Variants in LIPI observed in about 807,000 individuals in gnomAD.
LIPI encodes lipase I, also known as lipase member I.
Under a neutral mutation model 50.6 loss-of-function variants are expected in LIPI, and 59 were observed. The ratio of observed to expected loss-of-function variants is 1.16; its 90% CI spans 0.94 to 1.45. The LOEUF (loss-of-function observed/expected upper bound fraction) is 1.45, where lower values mean the gene tolerates loss of function less well. LIPI is among the 40% of genes most tolerant of loss of function. The pLI, the probability that LIPI is intolerant of heterozygous loss-of-function variation, is 0.00. For synonymous variants in LIPI, 203 were observed against 178.2 expected (o/e 1.14, Z -1.11); for missense variants, 586 against 536.3 (o/e 1.09, Z -0.92).
At chr21:14,193,369 C>T (rs1194302899) in intron 1 of LIPI, among the ~76,000 whole-genome samples, 2 of 152,008 alleles carry the variant, frequency 1.3e-5, no homozygotes, top group Non-Finnish European at 2.9e-5. Context: ...AAACTAATAA[C>T]AAAGTGGTAA....
intron 1 of LIPI, among the ~76,000 whole-genome samples, chr21:14,197,896 G>A (rs1372116002): frequency 6.6e-6 from 1 of 151,970 alleles, no homozygotes; most frequent in African/African-American, 2.4e-5. Flanking sequence ...CTACAAAGGG[G>A]AGCCATCAGA....
At chr21:14,166,768 C>G (rs546853713) in intron 4 of LIPI, among the ~76,000 whole-genome samples, 2 of 152,304 alleles carry the variant, frequency 1.3e-5, no homozygotes, top group East Asian at 3.9e-4. Flanking sequence ...GTCTTCAGCT[C>G]CCAGTGTGAG....
At chr21:14,206,403 A>C (rs539641876) in intron 1 of LIPI, among the ~76,000 whole-genome samples, 1 of 152,268 alleles carries the variant, frequency 6.6e-6, no homozygotes, top group East Asian at 1.9e-4. Context: ...TGCTGAGATA[A>C]GTTTGTCTTG....
At chr21:14,133,958 C>T (rs2017393715) in intron 9 of LIPI, among the ~76,000 whole-genome samples, 1 of 152,088 alleles carries the variant, frequency 6.6e-6, no homozygotes, top group Non-Finnish European at 1.5e-5. Context: ...CAGTGGCTTG[C>T]CACTGTGGGA....
intron 1 of LIPI, 53 bp downstream of exon 1, chr21:14,210,747 C>T (rs780004914): frequency 6.9e-6 from 5 of 723,024 alleles, no homozygotes; most frequent in South Asian, 2.0e-5. Flanking sequence ...ACAGACCACA[C>T]TATTTTATAT....
chr21:14,113,910 GGGCTCAGT>G (rs1397134872), intron 9 of LIPI, among the ~76,000 whole-genome samples: 3 of 152,154 alleles, frequency 2.0e-5, no homozygotes, highest in Non-Finnish European at 4.4e-5. Context: ...GATCTTGGCC[GGGCTCAGT>G]GGCTCACACC....
At chr21:14,110,772 C>A (rs2016374249) in intron 9 of LIPI, among the ~76,000 whole-genome samples, 1 of 151,588 alleles carries the variant, frequency 6.6e-6, no homozygotes, top group African/African-American at 2.4e-5. Context: ...AACATAATGT[C>A]CTTCAGGTTC....
At chr21:14,179,034 C>T (rs192167630) in intron 4 of LIPI, among the ~76,000 whole-genome samples, 1 of 152,214 alleles carries the variant, frequency 6.6e-6, no homozygotes, top group Admixed American at 6.6e-5. Flanking sequence ...CTATAATGTC[C>T]TTTGGAGTTC....
At chr21:14,168,001 C>A (rs9647108) in intron 4 of LIPI, among the ~76,000 whole-genome samples, 130,984 of 152,194 alleles carry the variant, frequency 0.86, 56,798 homozygotes, top group East Asian at 0.97. Flanking sequence ...TAGAATAAGC[C>A]ATACAGGGAA....
At position 14,110,111 on chromosome 21, in the gene LIPI, G is replaced by GATCTTATATA. The variant is rs1401964165; in HGVS notation, c.1296-1032_1296-1031insTATATAAGAT. On this transcript the variant is annotated intron_variant, in intron 9 of 9. Transcript: ENST00000681601. ...CATTACATTGATAAAGTATAAGATTGATCTAAAATAATAAAAAAGAAATAT... is the reference window on the plus strand; with the variant it reads ...CATTACATTGATAAAGTATAAGATTGATCTTATATAATCTAAAATAATAAAAAAGAAATAT... Among the ~76,000 whole-genome samples the GATCTTATATA allele has an allele frequency of 8.9e-4, 135 of 151,476 alleles. 1 individual carries two copies. The highest frequency in any genetic ancestry group is 7.6e-3 in the Admixed American group (115 of 15,214).
intron 1 of LIPI, among the ~76,000 whole-genome samples, chr21:14,199,980 A>C (rs2019995343): frequency 6.6e-6 from 1 of 152,154 alleles, no homozygotes; most frequent in Non-Finnish European, 1.5e-5. Flanking sequence ...TTCATCACAT[A>C]AACAGAACTA....
At chr21:14,146,531 T>C (rs991636209) in intron 8 of LIPI, among the ~76,000 whole-genome samples, 12 of 152,146 alleles carry the variant, frequency 7.9e-5, no homozygotes, top group African/African-American at 2.9e-4. Flanking sequence ...GTGTCATGTC[T>C]ATATTCCTGC....
intron 1 of LIPI, among the ~76,000 whole-genome samples, chr21:14,201,293 A>G (rs375883079): frequency 2.0e-5 from 3 of 152,168 alleles, no homozygotes; most frequent in East Asian, 3.9e-4. Flanking sequence ...CTTCTGCACA[A>G]CAAAAGTAAC....
At chr21:14,174,716 G>T (rs2123211508) in intron 4 of LIPI, among the ~76,000 whole-genome samples, 1 of 152,206 alleles carries the variant, frequency 6.6e-6, no homozygotes. Context: ...ACCATGCCCA[G>T]CTAATTTTTG....
intron 9 of LIPI, among the ~76,000 whole-genome samples, chr21:14,134,108 G>A (rs1458038324): frequency 6.6e-6 from 1 of 152,096 alleles, no homozygotes; most frequent in African/African-American, 2.4e-5. Context: ...GTGCATGCCT[G>A]TGGTCCCAGC....
chr21:14,167,358 C>T (rs2018726630), intron 4 of LIPI, among the ~76,000 whole-genome samples: 1 of 152,194 alleles, frequency 6.6e-6, no homozygotes, highest in South Asian at 2.1e-4. Context: ...TTGAAGAGAG[C>T]TGTGGTTCTC....
intron 4 of LIPI, among the ~76,000 whole-genome samples, chr21:14,174,018 T>G (rs1287302179): frequency 2.6e-5 from 4 of 152,128 alleles, no homozygotes; most frequent in Non-Finnish European, 4.4e-5. Context: ...AGAAAAAAAT[T>G]TAACAGGGTC....
chr21:14,169,736 C>T (rs1354702579), intron 4 of LIPI, among the ~76,000 whole-genome samples: 2 of 152,072 alleles, frequency 1.3e-5, no homozygotes, highest in Non-Finnish European at 2.9e-5. Context: ...AAATTTGTAG[C>T]ACTAAATGCC....
intron 9 of LIPI, among the ~76,000 whole-genome samples, chr21:14,122,154 G>A (rs201668331): frequency 1.3e-5 from 2 of 152,198 alleles, no homozygotes; most frequent in East Asian, 3.9e-4. Flanking sequence ...ACAGGCACGG[G>A]AGGAAACCAA....
Sources: gnomAD v4.1 joint callset for allele counts (sites outside exome capture counted in the v4.1 genomes callset) on GRCh38, gnomAD v4.1.1 for gene constraint, MANE v1.5 for transcripts, NCBI Gene and HGNC (gene_info 2026-07-23, HGNC 2026-07-21) for gene names.